The following FAM83A variants were observed in gnomAD, a reference collection of about 807,000 sequenced individuals.
The protein encoded by FAM83A is scaffolding CK1 anchoring protein A.
In FAM83A, 21 loss-of-function variants were observed where a neutral mutation model predicts 24.4. The observed-to-expected ratio is 0.86, with a 90% CI of 0.61 to 1.24. The LOEUF (loss-of-function observed/expected upper bound fraction) is 1.24. Ranked by LOEUF, FAM83A falls within the 50% of genes most tolerant of loss-of-function variation. The probability of loss-of-function intolerance (pLI) is 0.00; values close to 1 mark genes in which losing one functional copy is unlikely to be tolerated. For synonymous variants in FAM83A, 270 were observed against 252.4 expected (o/e 1.07, Z -0.66); for missense variants, 617 against 579.8 (o/e 1.06, Z -0.66).
chr8:123,207,191 A>T (rs1412820765), exon 4 of FAM83A: 10 of 1,606,730 alleles, frequency 6.2e-6, no homozygotes, highest in Admixed American at 3.4e-5. Flanking sequence ...GCACCGGAAC[A>T]TCCTCTCCAA....
In FAM83A at chr8:123,209,259, C is replaced by G; in HGVS notation, c.*1571C>G. On this transcript the variant is annotated 3_prime_UTR_variant, in exon 4 of 4. Coordinates refer to ENST00000690554, the Ensembl canonical transcript of FAM83A. This position sits in a 1 kb window ranked among gnomAD's most constrained non-coding sequence, Gnocchi z 4.7. ...CTCTTCCTCCTGGTGGCCTCTGACCCCTGACGGCCTGTGGCATCCTCCCTA... is the reference window on the plus strand; with the variant it reads ...CTCTTCCTCCTGGTGGCCTCTGACCGCTGACGGCCTGTGGCATCCTCCCTA... The G allele has an allele frequency of 1.6e-6, 2 of 1,279,552 alleles. No homozygotes were observed. The highest frequency in any genetic ancestry group is 2.0e-6 in the Non-Finnish European group (2 of 1,020,300). The allele number at this position is 1,279,552 out of a possible 1,614,324, so 79.3% of individuals were successfully genotyped here.
At chr8:123,179,336 C>G (rs776835723), upstream of FAM83A, 3 of 152,050 alleles carry the variant, frequency 2.0e-5, no homozygotes, top group Non-Finnish European at 2.9e-5. Flanking sequence ...TGAGTTCGGC[C>G]CCTTCCTTCT....
intron 1 of FAM83A, among the ~76,000 whole-genome samples, chr8:123,184,754 A>G (rs1823734182): frequency 1.3e-5 from 2 of 152,216 alleles, no homozygotes; most frequent in South Asian, 2.1e-4. Context: ...AATGGACCCC[A>G]AGGAAAAACA....
At chr8:123,181,100 C>A (rs1251029076), upstream of FAM83A, among the ~76,000 whole-genome samples, 1 of 152,130 alleles carries the variant, frequency 6.6e-6, no homozygotes, top group Non-Finnish European at 1.5e-5. Context: ...GCGCATACCA[C>A]CAGGCCCGGC....
At chr8:123,200,723 G>A (rs1443495652) in intron 3 of FAM83A, among the ~76,000 whole-genome samples, 1 of 152,138 alleles carries the variant, frequency 6.6e-6, no homozygotes, top group Admixed American at 6.5e-5. Flanking sequence ...GGAGGCCGAG[G>A]CGGGTGAATC....
rs1563791873 is a variant in FAM83A at position 123,209,359 on chromosome 8, G to A, written c.*1671G>A. 6.8e-7 allele frequency: 1 copy of A among 1,461,992 alleles called. No individual in the cohort carries two copies. The highest frequency in any genetic ancestry group is 1.4e-5 in the African/African-American group (1 of 69,124). 90.6% of individuals were successfully genotyped at this position (1,461,992 alleles called of 1,614,324 possible). On this transcript the variant is annotated 3_prime_UTR_variant, in exon 4 of 4. Coordinates refer to ENST00000690554, the Ensembl canonical transcript of FAM83A. This position sits in a 1 kb window ranked among gnomAD's most constrained non-coding sequence, Gnocchi z 4.7. ...CATGATCTGGGGCATCTTGGCTTCT[G>A]GTTTCTTTTATTATTATTATTATTA...
exon 1 of FAM83A, chr8:123,183,313 C>G: frequency 5.6e-6 from 9 of 1,612,754 alleles, no homozygotes; most frequent in Non-Finnish European, 7.6e-6. Flanking sequence ...CCTCGTCCGC[C>G]GCTGCATCAC....
At chr8:123,181,397 G>A (rs1017014419), upstream of FAM83A, among the ~76,000 whole-genome samples, 29 of 152,156 alleles carry the variant, frequency 1.9e-4, no homozygotes, top group African/African-American at 6.5e-4. Context: ...CTGGCTCTTT[G>A]AAGACCACAC....
chr8:123,208,427 G>C (rs909070690), exon 4 of FAM83A: 1 of 985,614 alleles, frequency 1.0e-6, no homozygotes, highest in African/African-American at 1.7e-5. Flanking sequence ...GGTCCCTGGA[G>C]TCTAGACTGG....
intron 1 of FAM83A, among the ~76,000 whole-genome samples, chr8:123,184,033 C>T (rs1029297668): frequency 6.6e-6 from 1 of 152,140 alleles, no homozygotes; most frequent in Non-Finnish European, 1.5e-5. Context: ...GGTCTTTTCC[C>T]TGCTTAGAGC....
chr8:123,180,195 A>G (rs1773294660), upstream of FAM83A: 1 of 152,240 alleles, frequency 6.6e-6, no homozygotes, highest in African/African-American at 2.4e-5. Context: ...CCATGCTGGA[A>G]TGAACATGTG....
chr8:123,191,357 A>T (rs1823967546), intron 1 of FAM83A, among the ~76,000 whole-genome samples: 1 of 152,136 alleles, frequency 6.6e-6, no homozygotes, highest in South Asian at 2.1e-4. Context: ...TTGTTTGAGG[A>T]TAGGATTCCA....
rs34007285 is a variant in FAM83A, at chr8:123,183,119, C to T, written c.263C>T (p.Ala88Val). 2,394 of 1,613,882 alleles carry T rather than the reference C, an allele frequency of 1.5e-3. 3 individuals are homozygous for T. Among genetic ancestry groups the T allele is most frequent in the Non-Finnish European group, 1.9e-3 (2,276 of 1,179,966 alleles). Residue 88 changes from alanine to valine, a missense_variant, in exon 1 of 4, where the codon GCG becomes GTG. Coordinates refer to ENST00000690554, the Ensembl canonical transcript of FAM83A. ...TGTCCCCCAGACACCCTGGGAGGGG[C>T]GGAAGCAGGCCCTAAGGGACTGGAC...
exon 4 of FAM83A, chr8:123,207,446 C>T (rs774588179): frequency 6.2e-7 from 1 of 1,601,416 alleles, no homozygotes; most frequent in Non-Finnish European, 8.5e-7. Context: ...GTCTTCAGGG[C>T]CCTGTAGCCC....
intron 3 of FAM83A, among the ~76,000 whole-genome samples, chr8:123,203,606 A>G (rs1006583263): frequency 4.0e-5 from 6 of 148,446 alleles, no homozygotes; most frequent in Admixed American, 2.0e-4. Context: ...AAAAAAAAAA[A>G]AAGTAAGAAA....
At position 123,209,497 on chromosome 8, in the gene FAM83A, A is replaced by T. The variant is rs1229532430; in HGVS notation, c.*1809A>T. On this transcript the variant is annotated 3_prime_UTR_variant, in exon 4 of 4. Coordinates refer to ENST00000690554, the Ensembl canonical transcript of FAM83A. The surrounding 1 kb of genome is among the most constrained non-coding windows in gnomAD (Gnocchi z 4.7). ...ACTTTGGTTCCTGATGGCTTTCTGA[A>T]CCCAGCCCTGACCTTGTTGTTTCAC... 6.2e-7 allele frequency: 1 copy of T among 1,614,082 alleles called. No individual in the cohort carries two copies. The highest frequency in any genetic ancestry group is 1.3e-5 in the African/African-American group (1 of 74,922).
At chr8:123,203,971 A>AAAT (rs1331192572) in intron 3 of FAM83A, among the ~76,000 whole-genome samples, 2 of 148,870 alleles carry the variant, frequency 1.3e-5, no homozygotes, top group Non-Finnish European at 2.9e-5. Context: ...AAAAAAAAAA[A>AAAT]AAAGGACAAA....
rs879722876 is a variant in FAM83A at position 123,209,407 on chromosome 8, T to C, written c.*1719T>C. 14 of 1,611,474 alleles carry C rather than the reference T, an allele frequency of 8.7e-6. No homozygotes were observed. Among genetic ancestry groups the C allele is most frequent in the Admixed American group, 1.7e-5 (1 of 59,942 alleles). ...TTATTAATTATTGTATTCCTGTCCTTCACTTTTTTCCTCCTTAGTTCCTGA... is the reference window on the plus strand; with the variant it reads ...TTATTAATTATTGTATTCCTGTCCTCCACTTTTTTCCTCCTTAGTTCCTGA... On this transcript the variant is annotated 3_prime_UTR_variant, in exon 4 of 4. Coordinates refer to ENST00000690554, the Ensembl canonical transcript of FAM83A. The surrounding 1 kb of genome is among the most constrained non-coding windows in gnomAD (Gnocchi z 4.7).
Position 123,209,182 on chromosome 8 carries a change from G to T in FAM83A, c.*1494G>T. The T allele has an allele frequency of 8.8e-7, 1 of 1,134,784 alleles. No individual in the cohort carries two copies. Among genetic ancestry groups the T allele is most frequent in the Non-Finnish European group, 1.1e-6 (1 of 929,270 alleles). The allele number at this position is 1,134,784 out of a possible 1,614,324, so 70.3% of individuals were successfully genotyped here. ...TTTCTAGGCCCTCTCCTCCCTTGTCGGTTTTTGGCGGGGAAGCTCAGCCTT... is the reference window on the plus strand; with the variant it reads ...TTTCTAGGCCCTCTCCTCCCTTGTCTGTTTTTGGCGGGGAAGCTCAGCCTT... On this transcript the variant is annotated 3_prime_UTR_variant, in exon 4 of 4. Transcript: ENST00000690554. The surrounding 1 kb of genome is among the most constrained non-coding windows in gnomAD (Gnocchi z 4.7).
Sources: allele counts gnomAD v4.1 joint callset (sites outside exome capture counted in the v4.1 genomes callset), GRCh38; gene constraint gnomAD v4.1.1; non-coding constraint Gnocchi (gnomAD v3.1); transcripts MANE v1.5; gene names NCBI Gene and HGNC (gene_info 2026-07-23, HGNC 2026-07-21).